MEF2B: variants seen among roughly 807,000 people sequenced by gnomAD.
The protein encoded by MEF2B is myocyte enhancer factor 2B, also known as myocyte-specific enhancer factor 2B.
In MEF2B, 15 loss-of-function variants were observed where a neutral mutation model predicts 32.2. That is an observed-to-expected ratio of 0.47 (90% CI 0.31 to 0.72). The LOEUF (loss-of-function observed/expected upper bound fraction) is 0.72. MEF2B is among the 30% of genes least tolerant of loss of function. The pLI is 0.05. For missense variants in MEF2B, 441 were observed against 511.5 expected (o/e 0.86, Z 1.33); for synonymous variants, 205 against 225.6 (o/e 0.91, Z 0.82).
At chr19:19,166,030 C>T (rs2060204756) in intron 1 of MEF2B, among the ~76,000 whole-genome samples, 1 of 152,136 alleles carries the variant, frequency 6.6e-6, no homozygotes, top group Non-Finnish European at 1.5e-5. Context: ...GGCCCACACC[C>T]CGCCTCATTT....
At chr19:19,164,030 G>A (rs971301344) in intron 1 of MEF2B, among the ~76,000 whole-genome samples, 4 of 151,492 alleles carry the variant, frequency 2.6e-5, no homozygotes, top group South Asian at 2.1e-4. Context: ...GCAGTGGTGC[G>A]ATCTCAGCTC....
chr19:19,152,380 CAA>C (rs749560348), intron 1 of MEF2B, among the ~76,000 whole-genome samples: 5 of 113,340 alleles, frequency 4.4e-5, no homozygotes, highest in Non-Finnish European at 5.4e-5. Context: ...GACTCTGTCT[CAA>C]AAAAAAAAAA....
chr19:19,163,325 A>AT (rs1172747788), intron 1 of MEF2B, among the ~76,000 whole-genome samples: 6 of 151,660 alleles, frequency 4.0e-5, no homozygotes, highest in South Asian at 2.1e-4. Flanking sequence ...TAATTTTTGT[A>AT]TTTTTTTAGA....
intron 5 of MEF2B, 50 bp from the exon 6 acceptor site, chr19:19,146,925 T>A (rs756741388): frequency 2.5e-6 from 4 of 1,588,004 alleles, no homozygotes; most frequent in Non-Finnish European, 3.4e-6. Context: ...CCATGTCAAC[T>A]AATGAAGTCT....
chr19:19,163,182 G>A (rs1489536794), intron 1 of MEF2B, among the ~76,000 whole-genome samples: 2 of 152,050 alleles, frequency 1.3e-5, no homozygotes, highest in Non-Finnish European at 1.5e-5. Context: ...TTCAGGCAGG[G>A]TCTCATTCTG....
intron 1 of MEF2B, among the ~76,000 whole-genome samples, chr19:19,164,782 G>A (rs950069913): frequency 6.6e-5 from 10 of 152,130 alleles, no homozygotes; most frequent in African/African-American, 1.7e-4. Flanking sequence ...GACAGACCCC[G>A]CAGTCTGAAT....
At chr19:19,168,913 G>C (rs767355896) in intron 1 of MEF2B, among the ~76,000 whole-genome samples, 3 of 151,544 alleles carry the variant, frequency 2.0e-5, no homozygotes, top group Admixed American at 6.6e-5. Flanking sequence ...GCTGGTCATG[G>C]TGGCACACGC....
intron 1 of MEF2B, among the ~76,000 whole-genome samples, chr19:19,168,795 G>A (rs995470883): frequency 6.6e-6 from 1 of 151,984 alleles, no homozygotes; most frequent in African/African-American, 2.4e-5. Flanking sequence ...AGATGCGGTG[G>A]CTTACTCTTG....
chr19:19,160,516 TG>T (rs2146375371), intron 1 of MEF2B, among the ~76,000 whole-genome samples: 1 of 150,160 alleles, frequency 6.7e-6, no homozygotes, highest in South Asian at 2.1e-4. Flanking sequence ...GGGACTTTAC[TG>T]GGGGGATGAG....
Position 19,145,825 on chromosome 19 carries a change from A to C in MEF2B, c.1079T>G (p.Leu360Arg). Residue 360 changes from leucine to arginine, a missense_variant, in exon 9 of 9, where the codon CTG becomes CGG. Transcript: ENST00000424583. This position sits in a 1 kb window ranked among gnomAD's most constrained non-coding sequence, Gnocchi z 4.6. ...CCGGGGCCAGCCGTCGGCCAAGGGCAGCCGGCGCAGGGCGGGCCCAGGCCG... is the reference window on the plus strand; with the variant it reads ...CCGGGGCCAGCCGTCGGCCAAGGGCCGCCGGCGCAGGGCGGGCCCAGGCCG... Reference protein sequence around the residue: ...PLRPGPALRRLPLADGWPR With the variant: ...PLRPGPALRRRPLADGWPR 1 of 1,531,066 alleles carries C rather than the reference A, an allele frequency of 6.5e-7. No homozygotes were observed. The highest frequency in any genetic ancestry group is 1.2e-5 in the South Asian group (1 of 82,668). The allele number at this position is 1,531,066 out of a possible 1,614,324, so 94.8% of individuals were successfully genotyped here.
intron 2 of MEF2B, among the ~76,000 whole-genome samples, chr19:19,149,862 T>A (rs985888973): frequency 1.7e-4 from 26 of 151,220 alleles, no homozygotes; most frequent in African/African-American, 5.3e-4. Context: ...GAGGATTGAT[T>A]GAGGTCAGGA....
chr19:19,149,061 T>C (rs1028952790), intron 3 of MEF2B, among the ~76,000 whole-genome samples, 165 bp downstream of exon 3: 32 of 151,342 alleles, frequency 2.1e-4, no homozygotes, highest in African/African-American at 7.0e-4. Flanking sequence ...CACTCCCAAA[T>C]GTTTGGATGA....
chr19:19,165,182 T>C (rs980153361), intron 1 of MEF2B, among the ~76,000 whole-genome samples: 2 of 151,976 alleles, frequency 1.3e-5, no homozygotes, highest in African/African-American at 4.8e-5. Context: ...TCACCCAGTC[T>C]GATGGGGGAG....
rs1190914926 is a variant in MEF2B at position 19,147,288 on chromosome 19, G to A, written c.394-105C>T. On this transcript the variant is annotated intron_variant, in intron 4 of 8. Transcript: ENST00000424583. ...TTCAGGGGCCCAGCTCTACCTTCAG[G>A]AAGCCTTTGCTCCACCTCCCACCAG... 3.2e-6 allele frequency: 3 copies of A among 948,254 alleles called. 1 individual carries two copies. The highest frequency in any genetic ancestry group is 4.0e-6 in the Non-Finnish European group (3 of 757,970). 58.7% of individuals were successfully genotyped at this position (948,254 alleles called of 1,614,324 possible). A position where few individuals can be genotyped will look rare whatever the true frequency, so the allele number is the denominator to read the frequency against.
Position 19,145,970 on chromosome 19 carries a change from G to T in MEF2B, c.934C>A (p.Pro312Thr), listed in dbSNP as rs1310011033. ...EGPPTRGASP[P>T]TPPVSIKSER... ...GACTTGATGCTGACTGGGGGGGTCG[G>T]CGGGGAGGCGCCGCGGGTTGGGGGA... is the stretch of plus-strand genomic sequence containing the variant. The change falls in exon 9 of 9, where the codon CCG becomes ACG. Residue 312 changes from proline (P) to threonine (T), a missense_variant. Transcript: ENST00000424583. The surrounding 1 kb of genome is among the most constrained non-coding windows in gnomAD (Gnocchi z 4.6). The T allele has an allele frequency of 1.4e-6, 2 of 1,439,250 alleles. No individual in the cohort carries two copies. Among genetic ancestry groups the T allele is most frequent in the Non-Finnish European group, 1.8e-6 (2 of 1,099,134 alleles). 89.2% of individuals were successfully genotyped at this position (1,439,250 alleles called of 1,614,324 possible). A position where few individuals can be genotyped will look rare whatever the true frequency, so the allele number is the denominator to read the frequency against.
At chr19:19,157,486 C>T (rs187572882) in intron 1 of MEF2B, among the ~76,000 whole-genome samples, 33 of 152,296 alleles carry the variant, frequency 2.2e-4, no homozygotes, top group African/African-American at 7.5e-4. Context: ...GCCAATTCGA[C>T]GATCCCAGAC....
At chr19:19,151,534 A>G (rs1236604809) in intron 1 of MEF2B, among the ~76,000 whole-genome samples, 1 of 152,152 alleles carries the variant, frequency 6.6e-6, no homozygotes, top group Non-Finnish European at 1.5e-5. Context: ...CCTGTCCTGC[A>G]GCCGCCGCCC....
At position 19,147,018 on chromosome 19, in the gene MEF2B, C is replaced by T. The variant is rs774732650; in HGVS notation, c.541+18G>A. The T allele has an allele frequency of 3.2e-6, 5 of 1,585,034 alleles. No individual in the cohort carries two copies. The South Asian group carries it at 4.5e-5, about 14-fold the overall frequency. ...AGCCCCTCAGGACCTCACCCCTGCC[C>T]CACTGTCCCATGCTCACCTGGGGGC... On this transcript the variant is annotated intron_variant, in intron 5 of 8. Coordinates refer to ENST00000424583, the MANE Select transcript of MEF2B (RefSeq NM_001145785.2).
chr19:19,161,273 G>A (rs1568553102), intron 1 of MEF2B, among the ~76,000 whole-genome samples: 1 of 152,024 alleles, frequency 6.6e-6, no homozygotes, highest in Non-Finnish European at 1.5e-5. Context: ...GAGTGCTGAG[G>A]GACAGGGGCG....
Sources: gnomAD v4.1 joint callset for allele counts (sites outside exome capture counted in the v4.1 genomes callset) on GRCh38, gnomAD v4.1.1 for gene constraint, Gnocchi (gnomAD v3.1) non-coding constraint, MANE v1.5 for transcripts, NCBI Gene and HGNC (gene_info 2026-07-23, HGNC 2026-07-21) for gene names.